Variants in PRKG1 observed in about 807,000 individuals in gnomAD.
PRKG1 encodes the protein protein kinase cGMP-dependent 1, also known as cGMP-dependent protein kinase 1.
PRKG1 carries 35 observed loss-of-function variants against 88.1 expected under a neutral mutation model. That is an observed-to-expected ratio of 0.40 (90% CI 0.30 to 0.53). The LOEUF is 0.53. PRKG1 is among the 20% of genes least tolerant of loss of function. The pLI, the probability that PRKG1 is intolerant of heterozygous loss-of-function variation, is 0.59. For synonymous variants in PRKG1, 303 were observed against 292.5 expected (o/e 1.04, Z -0.37); for missense variants, 540 against 839.8 (o/e 0.64, Z 4.41).
At position 51,074,746 on chromosome 10, in the gene PRKG1, G is replaced by C; in HGVS notation, c.156G>C (p.Val52=). 1 of 1,614,070 alleles carries C rather than the reference G, an allele frequency of 6.2e-7. No homozygotes were observed. Among genetic ancestry groups the C allele is most frequent in the Non-Finnish European group, 8.5e-7 (1 of 1,179,958 alleles). The part of the protein sequence containing the change: ...LQNELDKYRS[V]IRPATQQAQK... The stretch of plus-strand genomic sequence containing the variant: ...ACGAGCTGGACAAGTACCGCTCGGT[G>C]ATCCGACCAGCCACCCAGCAGGCGC... The change falls in exon 1 of 18, where the codon GTG becomes GTC. Residue 52 remains valine (V), a synonymous_variant. Coordinates refer to ENST00000373980, the MANE Select transcript of PRKG1 (RefSeq NM_006258.4).
intron 2 of PRKG1, among the ~76,000 whole-genome samples, chr10:51,208,805 T>A (rs556997804): frequency 2.4e-4 from 37 of 152,242 alleles, no homozygotes; most frequent in African/African-American, 6.5e-4. Context: ...TGTTGGGAAA[T>A]ACTCCTAGGA....
intron 5 of PRKG1, among the ~76,000 whole-genome samples, chr10:52,004,111 T>A (rs1350498150): frequency 1.3e-5 from 2 of 152,216 alleles, no homozygotes; most frequent in Non-Finnish European, 2.9e-5. Context: ...TGTCATTTCC[T>A]CTAAGTGTTT....
chr10:51,946,635 T>G (rs549604560), intron 5 of PRKG1, among the ~76,000 whole-genome samples: 3 of 152,154 alleles, frequency 2.0e-5, no homozygotes, highest in South Asian at 2.1e-4. Context: ...CAGGTGGGTT[T>G]TTGGTGCAGA....
At chr10:51,549,325 C>T (rs1231818852) in intron 3 of PRKG1, among the ~76,000 whole-genome samples, 3 of 151,148 alleles carry the variant, frequency 2.0e-5, no homozygotes, top group Non-Finnish European at 4.4e-5. Flanking sequence ...AGGATTTCAC[C>T]ATGTTAGCCG....
At chr10:52,107,508 C>A (rs1283058679) in intron 7 of PRKG1, among the ~76,000 whole-genome samples, 3 of 152,122 alleles carry the variant, frequency 2.0e-5, no homozygotes, top group Non-Finnish European at 2.9e-5. Flanking sequence ...CTTTGTTCAA[C>A]CTCCACAATG....
In PRKG1 at chr10:52,082,351, G is replaced by T. The variant is rs138741626; in HGVS notation, c.935+19720G>T. ...TCATCTCTGAGCCTTGGCATAAGTT[G>T]CCCACTCTACCTAGAAGGCCCTTTA... On this transcript the variant is annotated intron_variant, in intron 7 of 17. Coordinates refer to ENST00000373980, the MANE Select transcript of PRKG1 (RefSeq NM_006258.4). 2.9e-3 allele frequency among the ~76,000 whole-genome samples: 443 copies of T among 152,118 alleles called. 6 individuals carry two copies. The highest frequency in any genetic ancestry group is 0.015 in the East Asian group (75 of 5,148).
chr10:51,470,249 C>G (rs1840014241), intron 3 of PRKG1, among the ~76,000 whole-genome samples: 1 of 151,806 alleles, frequency 6.6e-6, no homozygotes, highest in Admixed American at 6.6e-5. Context: ...AAGATTATAT[C>G]AACTTGTCCA....
chr10:50,999,490 T>C (rs1842866106), intron 1 of PRKG1, among the ~76,000 whole-genome samples: 1 of 152,200 alleles, frequency 6.6e-6, no homozygotes, highest in African/African-American at 2.4e-5. Flanking sequence ...CTCTCCTTCC[T>C]TTTTAGTCCA....
At chr10:51,400,262 CAAGGAAA>C (rs1564477706) in intron 2 of PRKG1, among the ~76,000 whole-genome samples, 2 of 151,908 alleles carry the variant, frequency 1.3e-5, no homozygotes, top group Non-Finnish European at 2.9e-5. Flanking sequence ...AGAATATAAA[CAAGGAAA>C]AATCAGCTTG....
intron 3 of PRKG1, among the ~76,000 whole-genome samples, chr10:51,729,706 CAAAAAAAAAAAA>C (rs34900286): frequency 3.5e-5 from 1 of 28,782 alleles, no homozygotes; most frequent in South Asian, 3.5e-3. Context: ...GACTCCATCT[CAAAAAAAAAAAA>C]AAAAAAAAAA....
intron 2 of PRKG1, among the ~76,000 whole-genome samples, chr10:51,212,253 G>A (rs1838242230): frequency 6.6e-6 from 1 of 151,588 alleles, no homozygotes; most frequent in African/African-American, 2.4e-5. Flanking sequence ...TGGGAAAACT[G>A]GCTAGCCATA....
At chr10:51,145,369 C>G (rs974919411) in intron 1 of PRKG1, among the ~76,000 whole-genome samples, 1 of 151,980 alleles carries the variant, frequency 6.6e-6, no homozygotes, top group Non-Finnish European at 1.5e-5. Context: ...CAGTTATTAC[C>G]CTGTTTTGCT....
intron 5 of PRKG1, among the ~76,000 whole-genome samples, chr10:52,043,797 T>TGTA (rs1845802083): frequency 1.3e-5 from 2 of 151,204 alleles, no homozygotes; most frequent in African/African-American, 4.9e-5. Context: ...ACATTTTACT[T>TGTA]CATAAATATG....
At chr10:51,917,628 T>C (rs1407679448) in intron 5 of PRKG1, among the ~76,000 whole-genome samples, 2 of 152,192 alleles carry the variant, frequency 1.3e-5, no homozygotes, top group Non-Finnish European at 2.9e-5. Context: ...AAATTTTAAG[T>C]ATTAACAAAA....
chr10:51,933,905 A>G (rs929072777), intron 5 of PRKG1, among the ~76,000 whole-genome samples: 3 of 152,278 alleles, frequency 2.0e-5, no homozygotes, highest in African/African-American at 7.2e-5. Context: ...TAACACAAAC[A>G]TGAATAACAC....
chr10:51,962,025 A>G (rs542960775), intron 5 of PRKG1, among the ~76,000 whole-genome samples: 1 of 152,346 alleles, frequency 6.6e-6, no homozygotes, highest in South Asian at 2.1e-4. Context: ...AGCAAGTTGT[A>G]TTTAGATTGA....
chr10:51,215,910 T>A (rs1439907437), intron 2 of PRKG1, among the ~76,000 whole-genome samples: 2 of 152,198 alleles, frequency 1.3e-5, no homozygotes, highest in Non-Finnish European at 2.9e-5. Context: ...TTTTTAGAAG[T>A]GTTCATGGAA....
At chr10:51,517,028 ATACTG>A (rs1841606940) in intron 3 of PRKG1, among the ~76,000 whole-genome samples, 1 of 152,244 alleles carries the variant, frequency 6.6e-6, no homozygotes, top group Admixed American at 6.5e-5. Flanking sequence ...GTGGAAAAAA[ATACTG>A]TTTTTTTCTA....
At chr10:51,966,521 A>G (rs1843571026) in intron 5 of PRKG1, among the ~76,000 whole-genome samples, 1 of 151,896 alleles carries the variant, frequency 6.6e-6, no homozygotes. Flanking sequence ...CGTCAATGCC[A>G]TTTCTTTCAA....
Sources: allele counts gnomAD v4.1 joint callset (sites outside exome capture counted in the v4.1 genomes callset), GRCh38; gene constraint gnomAD v4.1.1; transcripts MANE v1.5; gene names NCBI Gene and HGNC (gene_info 2026-07-23, HGNC 2026-07-21).